CACNA1D: variants seen among roughly 807,000 people sequenced by gnomAD.
The protein encoded by CACNA1D is voltage-dependent L-type calcium channel subunit alpha-1D.
Under a neutral mutation model 257.1 loss-of-function variants are expected in CACNA1D, and 55 were observed. The observed-to-expected ratio is 0.21, with a 90% CI of 0.17 to 0.27. The LOEUF is 0.27. Ranked by LOEUF, CACNA1D falls within the 10% of genes least tolerant of loss-of-function variation. CACNA1D has a pLI of 1.00. For synonymous variants in CACNA1D, 980 were observed against 1,014.9 expected, an observed-to-expected ratio of 0.97 and a Z score of 0.65; for missense variants, 1,876 against 2,784.0, an observed-to-expected ratio of 0.67 and a Z score of 7.34.
intron 3 of CACNA1D, among the ~76,000 whole-genome samples, chr3:53,531,469 G>A (rs888431157): frequency 1.3e-5 from 2 of 152,190 alleles, no homozygotes; most frequent in African/African-American, 2.4e-5. Flanking sequence ...GGGAAGTGAA[G>A]TGTTTGCAAC....
chr3:53,686,624 A>G (rs1444072758), intron 8 of CACNA1D, among the ~76,000 whole-genome samples: 1 of 152,096 alleles, frequency 6.6e-6, no homozygotes, highest in Non-Finnish European at 1.5e-5. Flanking sequence ...ATATTCTATA[A>G]TGATTTCTAA....
At chr3:53,718,570 T>TGCCCCCCCC in intron 10 of CACNA1D, 182 bp downstream of exon 10, 3 of 717,948 alleles carry the variant, frequency 4.2e-6, no homozygotes, top group Non-Finnish European at 7.3e-6. Context: ...CCTGCACACC[T>TGCCCCCCCC]CCCCACCCCC....
At chr3:53,808,846 C>T in intron 46 of CACNA1D, 76 bp downstream of exon 46, 1 of 1,501,776 alleles carries the variant, frequency 6.7e-7, no homozygotes, top group Non-Finnish European at 9.1e-7. Context: ...ACTCCCTTCT[C>T]CTTGGCCTTA....
chr3:53,498,831 CAT>C (rs1400715547), intron 2 of CACNA1D, among the ~76,000 whole-genome samples: 1 of 152,154 alleles, frequency 6.6e-6, no homozygotes, highest in African/African-American at 2.4e-5. Flanking sequence ...GAGGGGTTCT[CAT>C]GTGCTTTTTC....
At chr3:53,499,206 C>G (rs1339913711) in intron 2 of CACNA1D, among the ~76,000 whole-genome samples, 3 of 152,100 alleles carry the variant, frequency 2.0e-5, no homozygotes, top group Non-Finnish European at 4.4e-5. Context: ...TTTCCAGTTG[C>G]CAGACACATG....
At chr3:53,758,838 T>A (rs1175119747) in intron 29 of CACNA1D, among the ~76,000 whole-genome samples, 1 of 152,158 alleles carries the variant, frequency 6.6e-6, no homozygotes, top group Non-Finnish European at 1.5e-5. Flanking sequence ...AGAGGGGCCC[T>A]CTGTTAGGAG....
chr3:53,613,591 T>A (rs1435318816), intron 3 of CACNA1D, among the ~76,000 whole-genome samples: 1 of 152,112 alleles, frequency 6.6e-6, no homozygotes, highest in Non-Finnish European at 1.5e-5. Context: ...TTAAAAAGGA[T>A]GTGAGAACTC....
intron 18 of CACNA1D, among the ~76,000 whole-genome samples, 200 bp from the exon 19 acceptor site, chr3:53,732,615 C>T (rs1042112868): frequency 6.6e-6 from 1 of 152,136 alleles, no homozygotes; most frequent in East Asian, 1.9e-4. Flanking sequence ...ACATGCTCAC[C>T]AGACGGGGAC....
rs3774552 is a variant in CACNA1D at position 53,728,765 on chromosome 3, G to A, written c.2222-1677G>A. ...TTATGCTCTGTCTTCCCCAACTAGA[G>A]TAGACATTCCAGTGTGTGGTGTTTC... On this transcript the variant is annotated intron_variant, in intron 15 of 47. Coordinates refer to ENST00000350061, the MANE Select transcript of CACNA1D (RefSeq NM_001128840.3). Among the ~76,000 whole-genome samples, 2 of 152,198 alleles carry A rather than the reference G, an allele frequency of 1.3e-5. 1 individual carries two copies. The highest frequency in any genetic ancestry group is 3.9e-4 in the East Asian group (2 of 5,188).
chr3:53,792,850 C>T (rs1329357167), intron 40 of CACNA1D, among the ~76,000 whole-genome samples: 2 of 152,166 alleles, frequency 1.3e-5, no homozygotes, highest in African/African-American at 2.4e-5. Flanking sequence ...GACCTGCTGT[C>T]CTCATTATGG....
intron 3 of CACNA1D, among the ~76,000 whole-genome samples, chr3:53,588,650 T>C (rs2093257088): frequency 6.6e-6 from 1 of 152,210 alleles, no homozygotes; most frequent in African/African-American, 2.4e-5. Flanking sequence ...GCAAAGGCCC[T>C]GGTGAGGATG....
chr3:53,647,685 G>A (rs377248307), intron 3 of CACNA1D, among the ~76,000 whole-genome samples: 4 of 152,284 alleles, frequency 2.6e-5, no homozygotes, highest in African/African-American at 9.6e-5. Context: ...CCTGAACGAC[G>A]TTTTGCAAGA....
chr3:53,699,615 C>T (rs1317726774), intron 8 of CACNA1D, among the ~76,000 whole-genome samples: 7 of 152,180 alleles, frequency 4.6e-5, no homozygotes, highest in African/African-American at 9.7e-5. Context: ...CCTCCCTGCC[C>T]CCTTCCTCCA....
intron 3 of CACNA1D, among the ~76,000 whole-genome samples, chr3:53,609,663 C>T (rs375090097): frequency 1.3e-5 from 2 of 152,112 alleles, no homozygotes; most frequent in African/African-American, 4.8e-5. Context: ...TCCTTTTCTG[C>T]GATCAGTCTA....
At chr3:53,801,853 C>T (rs1238332133) in intron 42 of CACNA1D, among the ~76,000 whole-genome samples, 1 of 152,194 alleles carries the variant, frequency 6.6e-6, no homozygotes, top group African/African-American at 2.4e-5. Flanking sequence ...GGGTGTGTGG[C>T]TGTGCCCATT....
chr3:53,602,970 C>A (rs116813544), intron 3 of CACNA1D, among the ~76,000 whole-genome samples: 4 of 152,188 alleles, frequency 2.6e-5, no homozygotes, highest in Non-Finnish European at 5.9e-5. Flanking sequence ...TTCTCTCCAG[C>A]GGACGAAGTT....
chr3:53,729,725 A>G lies in CACNA1D; in HGVS notation c.2222-717A>G, dbSNP rs531581079. Among the ~76,000 whole-genome samples the G allele has an allele frequency of 8.2e-4, 125 of 152,364 alleles. 1 individual carries two copies. The highest frequency in any genetic ancestry group is 1.4e-3 in the Non-Finnish European group (92 of 68,042). ...ATTGTGTTTTTTAACTGGAACTGCA[A>G]TGAGCCTCGGGAAGCAATTTGTCCT... is the stretch of plus-strand genomic sequence containing the variant. On this transcript the variant is annotated intron_variant, in intron 15 of 47. Coordinates refer to ENST00000350061, the MANE Select transcript of CACNA1D (RefSeq NM_001128840.3).
chr3:53,550,526 C>T (rs2092510339), intron 3 of CACNA1D, among the ~76,000 whole-genome samples: 1 of 152,208 alleles, frequency 6.6e-6, no homozygotes, highest in African/African-American at 2.4e-5. Context: ...CCAGTTTCTT[C>T]TTTGAATAGA....
At chr3:53,549,226 C>T (rs936210292) in intron 3 of CACNA1D, among the ~76,000 whole-genome samples, 7 of 152,196 alleles carry the variant, frequency 4.6e-5, no homozygotes, top group African/African-American at 1.4e-4. Flanking sequence ...TTGTCACGTA[C>T]TGATGTCACA....
Sources: allele counts gnomAD v4.1 joint callset (sites outside exome capture counted in the v4.1 genomes callset), GRCh38; gene constraint gnomAD v4.1.1; transcripts MANE v1.5; gene names NCBI Gene and HGNC (gene_info 2026-07-23, HGNC 2026-07-21).